AKAP13: variants seen among roughly 807,000 people sequenced by gnomAD.
AKAP13 encodes the protein A-kinase anchoring protein 13.
AKAP13 carries 80 observed loss-of-function variants against 264.5 expected under a neutral mutation model. The observed-to-expected ratio is 0.30, with a 90% CI of 0.25 to 0.36. The LOEUF (loss-of-function observed/expected upper bound fraction) is 0.36. AKAP13 is among the 10% of genes least tolerant of loss of function. AKAP13 has a pLI of 1.00. For missense variants in AKAP13, 3,712 were observed against 3,435.2 expected (o/e 1.08, Z -2.01); for synonymous variants, 1,380 against 1,250.2 (o/e 1.10, Z -2.19).
chr15:85,699,599 A>G (rs2085790322), intron 17 of AKAP13, among the ~76,000 whole-genome samples: 1 of 152,252 alleles, frequency 6.6e-6, no homozygotes, highest in South Asian at 2.1e-4. Flanking sequence ...ATGTACTTAC[A>G]TATTATTTGT....
intron 1 of AKAP13, among the ~76,000 whole-genome samples, chr15:85,447,543 C>T (rs1159670827): frequency 1.3e-5 from 2 of 152,036 alleles, no homozygotes; most frequent in Non-Finnish European, 2.9e-5. Flanking sequence ...CAAATAGACC[C>T]CAGTGTCTGT....
intron 1 of AKAP13, among the ~76,000 whole-genome samples, chr15:85,463,614 T>C (rs1309629669): frequency 1.3e-5 from 2 of 152,232 alleles, no homozygotes; most frequent in Non-Finnish European, 2.9e-5. Context: ...TCTTTTTGTG[T>C]GTGCTGCTTT....
In AKAP13 at chr15:85,708,225, C is replaced by A. The variant is rs2086423776; in HGVS notation, c.5532+139C>A. On this transcript the variant is annotated intron_variant, in intron 18 of 36. Transcript: ENST00000394518. The surrounding 1 kb of genome is among the most constrained non-coding windows in gnomAD (Gnocchi z 4.3). Reference sequence around the variant, plus strand: ...TACCAACTTTGAGAACAAATTATAACTAAAAAATATTTTTTCTCTTAAGCG... The same window carrying A: ...TACCAACTTTGAGAACAAATTATAAATAAAAAATATTTTTTCTCTTAAGCG... The A allele has an allele frequency of 1.4e-6, 1 of 710,866 alleles. No individual in the cohort carries two copies. Among genetic ancestry groups the A allele is most frequent in the Non-Finnish European group, 2.2e-6 (1 of 448,106 alleles). 44.0% of individuals were successfully genotyped at this position (710,866 alleles called of 1,614,324 possible).
At chr15:85,597,345 C>T (rs2079863259) in intron 8 of AKAP13, among the ~76,000 whole-genome samples, 1 of 152,172 alleles carries the variant, frequency 6.6e-6, no homozygotes, top group African/African-American at 2.4e-5. Flanking sequence ...TCTTAGACAT[C>T]ACCTGTCACT....
chr15:85,707,411 A>G (rs1378940508), intron 17 of AKAP13, among the ~76,000 whole-genome samples: 2 of 152,312 alleles, frequency 1.3e-5, no homozygotes, highest in African/African-American at 2.4e-5. Context: ...CCAGAGGTGC[A>G]TGTGGGGGTT....
intron 1 of AKAP13, among the ~76,000 whole-genome samples, chr15:85,436,399 A>G (rs974346628): frequency 2.5e-4 from 33 of 133,394 alleles, no homozygotes; most frequent in Admixed American, 9.4e-4. Flanking sequence ...TCAACATTAG[A>G]CAGATCAGCG....
intron 8 of AKAP13, among the ~76,000 whole-genome samples, chr15:85,623,717 T>C (rs1331264128): frequency 6.6e-6 from 1 of 152,252 alleles, no homozygotes; most frequent in East Asian, 1.9e-4. Context: ...TAGTATTCCT[T>C]GGTCACCCAC....
At chr15:85,600,463 A>G (rs1362895124) in intron 8 of AKAP13, among the ~76,000 whole-genome samples, 1 of 152,232 alleles carries the variant, frequency 6.6e-6, no homozygotes, top group Non-Finnish European at 1.5e-5. Context: ...TATTTTTAAA[A>G]GCAGGCTTTT....
At chr15:85,722,551 A>C (rs7182210) in intron 25 of AKAP13, among the ~76,000 whole-genome samples, 27,007 of 152,160 alleles carry the variant, frequency 0.18, 2,640 homozygotes, top group Non-Finnish European at 0.22. Flanking sequence ...AGGAAAGGGA[A>C]CACATTGATT....
chr15:85,645,505 A>G (rs762897815), intron 9 of AKAP13, among the ~76,000 whole-genome samples: 3 of 152,262 alleles, frequency 2.0e-5, no homozygotes, highest in Non-Finnish European at 4.4e-5. Flanking sequence ...CCATTCAGGT[A>G]TCTAAATAGA....
chr15:85,689,768 A>G (rs568227414), intron 16 of AKAP13: 7 of 152,306 alleles, frequency 4.6e-5, no homozygotes, highest in East Asian at 3.9e-4. Flanking sequence ...GTCCACACAC[A>G]CTGTTTTTGG....
chr15:85,493,917 A>G (rs986271752), intron 2 of AKAP13, among the ~76,000 whole-genome samples: 2 of 152,254 alleles, frequency 1.3e-5, no homozygotes, highest in Non-Finnish European at 2.9e-5. Flanking sequence ...GGCAGAGACA[A>G]TGCCCCCTTA....
At chr15:85,726,354 G>A (rs1242938049) in intron 26 of AKAP13, 56 bp from the exon 27 acceptor site, 1 of 1,448,880 alleles carries the variant, frequency 6.9e-7, no homozygotes, top group African/African-American at 1.4e-5. Context: ...TCTGACTGTG[G>A]GTAACTATTA....
chr15:85,677,215 C>A, intron 14 of AKAP13: 1 of 832,490 alleles, frequency 1.2e-6, no homozygotes, highest in Non-Finnish European at 1.4e-6. Flanking sequence ...TGCATGCCAT[C>A]CTTTGTAAGT....
chr15:85,620,117 A>G (rs1200606782), intron 8 of AKAP13: 16 of 1,535,974 alleles, frequency 1.0e-5, no homozygotes, highest in Non-Finnish European at 7.0e-6. Flanking sequence ...AAGAGGCGCT[A>G]CAGCCTCTGT....
rs2087701616 is a variant in AKAP13 at position 85,727,719 on chromosome 15, TG to T, written c.7087+257del. Among the ~76,000 whole-genome samples the T allele has an allele frequency of 6.6e-6, 1 of 152,218 alleles. No homozygotes were observed. The highest frequency in any genetic ancestry group is 6.5e-5 in the Admixed American group (1 of 15,282). On this transcript the variant is annotated intron_variant, in intron 29 of 36. Transcript: ENST00000394518. This position sits in a 1 kb window ranked among gnomAD's most constrained non-coding sequence, Gnocchi z 5.3. Reference sequence around the variant, plus strand: ...ATTGATTCTCTTGACTCAGGATCCGTGTTCTCAAACCTCATGACATTCTCTG... The same window carrying T: ...ATTGATTCTCTTGACTCAGGATCCGTTTCTCAAACCTCATGACATTCTCTG...
intron 1 of AKAP13, among the ~76,000 whole-genome samples, chr15:85,483,637 A>AAAAAAAC (rs367647676): frequency 0.049 from 6,468 of 132,872 alleles, 354 homozygotes; most frequent in East Asian, 0.12. Flanking sequence ...CGTCTCAAAA[A>AAAAAAAC]AAAAAAAAAA....
chr15:85,738,844 CAAAAA>C (rs71468137), intron 33 of AKAP13, among the ~76,000 whole-genome samples: 5 of 72,408 alleles, frequency 6.9e-5, no homozygotes, highest in East Asian at 4.4e-4. Flanking sequence ...GACTCCGTCT[CAAAAA>C]AAAAAAAAAA....
chr15:85,634,169 C>T (rs2081979212), intron 8 of AKAP13, among the ~76,000 whole-genome samples: 1 of 151,938 alleles, frequency 6.6e-6, no homozygotes, highest in South Asian at 2.1e-4. Context: ...TCATGTGGTT[C>T]TAGTTTGCCT....
Sources: allele counts gnomAD v4.1 joint callset (sites outside exome capture counted in the v4.1 genomes callset), GRCh38; gene constraint gnomAD v4.1.1; non-coding constraint Gnocchi (gnomAD v3.1); transcripts MANE v1.5; gene names NCBI Gene and HGNC (gene_info 2026-07-23, HGNC 2026-07-21).